The following RABL3 variants were observed in gnomAD, a reference collection of about 807,000 sequenced individuals.
RABL3 encodes RAB, member of RAS oncogene family like 3.
In RABL3, 31 loss-of-function variants were observed where a neutral mutation model predicts 31.8. The ratio of observed to expected loss-of-function variants is 0.97; its 90% CI spans 0.73 to 1.31. RABL3 has a LOEUF of 1.31. Among genes scored for constraint, RABL3 ranks in the 40% most tolerant of loss-of-function variants. RABL3 has a pLI of 0.00. For synonymous variants in RABL3, 97 were observed against 99.9 expected, an observed-to-expected ratio of 0.97 and a Z score of 0.18; for missense variants, 263 against 279.6, an observed-to-expected ratio of 0.94 and a Z score of 0.42.
rs890001438 is a variant in RABL3 at position 120,685,371 on chromosome 3, G to A, written c.*4452C>T. Among the ~76,000 whole-genome samples, 4 of 152,160 alleles carry A rather than the reference G, an allele frequency of 2.6e-5. No individual in the cohort carries two copies. The highest frequency in any genetic ancestry group is 7.2e-5 in the African/African-American group (3 of 41,434). The stretch of plus-strand genomic sequence containing the variant: ...TTTACACCTTGGTTGGAGTTTAGGG[G>A]TTCCATTCTTTGTCATTAGTTATTG... On this transcript the variant is annotated 3_prime_UTR_variant, in exon 8 of 8. Transcript: ENST00000273375.
In RABL3 at chr3:120,686,841, A is replaced by C. The variant is rs1463502783; in HGVS notation, c.*2982T>G. The stretch of plus-strand genomic sequence containing the variant: ...AAAAGGACATAATCTAATGGTAATA[A>C]ACTGTGGAGAACTTAGCAAGTCCTA... On this transcript the variant is annotated 3_prime_UTR_variant, in exon 8 of 8. Transcript: ENST00000273375. 2 of 152,186 alleles carry C rather than the reference A, an allele frequency of 1.3e-5. No homozygotes were observed. Among genetic ancestry groups the C allele is most frequent in the Non-Finnish European group, 2.9e-5 (2 of 68,034 alleles). 9.4% of individuals were successfully genotyped at this position (152,186 alleles called of 1,614,324 possible).
intron 2 of RABL3, among the ~76,000 whole-genome samples, chr3:120,730,227 A>G (rs1307134436): frequency 3.3e-5 from 5 of 152,230 alleles, no homozygotes; most frequent in African/African-American, 9.6e-5. Context: ...GCAAAGACCA[A>G]TGATATCTGG....
At chr3:120,693,770 A>G (rs1241612414) in intron 6 of RABL3, among the ~76,000 whole-genome samples, 2 of 152,234 alleles carry the variant, frequency 1.3e-5, no homozygotes, top group Non-Finnish European at 2.9e-5. Context: ...ATTAACAGCT[A>G]GGAGAGCAAA....
At chr3:120,700,459 T>TG (rs1452019497) in intron 4 of RABL3, among the ~76,000 whole-genome samples, 20 of 151,872 alleles carry the variant, frequency 1.3e-4, no homozygotes, top group Admixed American at 1.2e-3. Flanking sequence ...GCTAGGAGGT[T>TG]GGAAAAAAAA....
intron 6 of RABL3, among the ~76,000 whole-genome samples, chr3:120,690,885 C>T (rs190912522): frequency 1.4e-3 from 218 of 152,268 alleles, no homozygotes; most frequent in Non-Finnish European, 2.5e-3. Flanking sequence ...ATAGTCTTGT[C>T]TATTTCTTAA....
intron 4 of RABL3, among the ~76,000 whole-genome samples, chr3:120,703,661 A>T (rs1020189189): frequency 6.6e-6 from 1 of 152,154 alleles, no homozygotes; most frequent in African/African-American, 2.4e-5. Flanking sequence ...CAATTGATAA[A>T]CCTCTACAAG....
chr3:120,729,696 T>C (rs1193042280), intron 2 of RABL3, among the ~76,000 whole-genome samples: 2 of 152,046 alleles, frequency 1.3e-5, no homozygotes, highest in Non-Finnish European at 2.9e-5. Context: ...AAAAAGCAGA[T>C]TAGATATAAT....
In RABL3 at chr3:120,736,909, G is replaced by T. The variant is rs541579027; in HGVS notation, c.46+5553C>A. On this transcript the variant is annotated intron_variant, in intron 1 of 7. Transcript: ENST00000273375. ...GTTTCTGCTGAGAGATACGCTGATG[G>T]GCTTCCCTTTGTGGGTAACCTGACT... is the stretch of plus-strand genomic sequence containing the variant. Among the ~76,000 whole-genome samples, 24 of 152,032 alleles carry T rather than the reference G, an allele frequency of 1.6e-4. No homozygotes were observed. The South Asian group carries it at 2.5e-3, about 16-fold the overall frequency.
At chr3:120,695,679 T>C (rs139050743) in intron 5 of RABL3, among the ~76,000 whole-genome samples, 2 of 152,124 alleles carry the variant, frequency 1.3e-5, no homozygotes, top group Non-Finnish European at 2.9e-5. Flanking sequence ...TGAAATAGTG[T>C]TTGAACACAT....
At chr3:120,721,501 A>C (rs1162620174) in intron 2 of RABL3, among the ~76,000 whole-genome samples, 1 of 152,208 alleles carries the variant, frequency 6.6e-6, no homozygotes, top group Non-Finnish European at 1.5e-5. Context: ...AGCAAATGGA[A>C]AACAAAAAAA....
chr3:120,719,938 T>A (rs954572889), intron 2 of RABL3, among the ~76,000 whole-genome samples: 1 of 152,128 alleles, frequency 6.6e-6, no homozygotes, highest in Non-Finnish European at 1.5e-5. Context: ...CACCCCCCAG[T>A]AGGGGCAGAC....
intron 2 of RABL3, among the ~76,000 whole-genome samples, chr3:120,714,537 C>G (rs950362740): frequency 6.6e-6 from 1 of 152,122 alleles, no homozygotes; most frequent in Non-Finnish European, 1.5e-5. Context: ...CTTCACTTTC[C>G]CTGCCATTCT....
chr3:120,707,281 T>A (rs182137994), intron 3 of RABL3, among the ~76,000 whole-genome samples: 50 of 152,122 alleles, frequency 3.3e-4, no homozygotes, highest in South Asian at 2.5e-3. Context: ...CTAATAGAGA[T>A]CTGACACTTG....
intron 5 of RABL3, among the ~76,000 whole-genome samples, chr3:120,697,692 T>C (rs1173743317): frequency 1.3e-5 from 2 of 152,198 alleles, no homozygotes; most frequent in Non-Finnish European, 2.9e-5. Context: ...AATTAGTCCT[T>C]ATGAAGCACT....
intron 3 of RABL3, among the ~76,000 whole-genome samples, chr3:120,707,979 C>T (rs1708570478): frequency 6.6e-6 from 1 of 152,008 alleles, no homozygotes; most frequent in South Asian, 2.1e-4. Flanking sequence ...TTCATTATTT[C>T]CTTCTGAAGG....
chr3:120,742,155 C>A (rs1312962072), intron 1 of RABL3, among the ~76,000 whole-genome samples: 1 of 132,824 alleles, frequency 7.5e-6, no homozygotes, highest in Admixed American at 7.6e-5. Context: ...TCAATGCCTG[C>A]TTTTTTTTTT....
intron 4 of RABL3, among the ~76,000 whole-genome samples, chr3:120,702,965 A>G (rs1708510961): frequency 6.6e-6 from 1 of 152,154 alleles, no homozygotes; most frequent in Admixed American, 6.5e-5. Context: ...ACATAGGTGC[A>G]GTTGTGCAAG....
At chr3:120,691,007 T>G (rs953343150) in intron 6 of RABL3, among the ~76,000 whole-genome samples, 2 of 152,090 alleles carry the variant, frequency 1.3e-5, no homozygotes, top group African/African-American at 4.8e-5. Flanking sequence ...GTCTAATGAC[T>G]GTTGTAAATT....
At chr3:120,696,924 T>C (rs562586023) in intron 5 of RABL3, among the ~76,000 whole-genome samples, 2 of 151,918 alleles carry the variant, frequency 1.3e-5, no homozygotes, top group African/African-American at 2.4e-5. Flanking sequence ...TAAAAAACAA[T>C]GGAATGGCAG....
Sources: gnomAD v4.1 joint callset for allele counts (sites outside exome capture counted in the v4.1 genomes callset) on GRCh38, gnomAD v4.1.1 for gene constraint, MANE v1.5 for transcripts, NCBI Gene and HGNC (gene_info 2026-07-23, HGNC 2026-07-21) for gene names.